The following GLIPR1L1 variants were observed in gnomAD, a reference collection of about 807,000 sequenced individuals.
GLIPR1L1 encodes the protein GLIPR1-like protein 1.
A neutral mutation model predicts 29.9 loss-of-function variants in GLIPR1L1; 26 were observed. The observed-to-expected ratio is 0.87, with a 90% CI of 0.64 to 1.21. The LOEUF is 1.21. Ranked by LOEUF, GLIPR1L1 falls within the 50% of genes most tolerant of loss-of-function variation. The probability of loss-of-function intolerance (pLI) is 0.00; values close to 1 mark genes in which losing one functional copy is unlikely to be tolerated. For missense variants in GLIPR1L1, 305 were observed against 290.3 expected, an observed-to-expected ratio of 1.05 and a Z score of -0.37; for synonymous variants, 77 against 97.5, an observed-to-expected ratio of 0.79 and a Z score of 1.24.
chr12:75,359,487 C>G (rs1398160801), intron 3 of GLIPR1L1, among the ~76,000 whole-genome samples: 2 of 144,550 alleles, frequency 1.4e-5, no homozygotes, highest in Non-Finnish European at 3.0e-5. Context: ...TGTGGAAGTG[C>G]AAAAATTTTG....
At chr12:75,356,515 A>C (rs1000855840) in intron 3 of GLIPR1L1, among the ~76,000 whole-genome samples, 2 of 152,226 alleles carry the variant, frequency 1.3e-5, no homozygotes, top group African/African-American at 4.8e-5. Context: ...ATAAATTCTA[A>C]AGTAACTGCT....
At chr12:75,354,614 A>G (rs1269392212) in intron 3 of GLIPR1L1, among the ~76,000 whole-genome samples, 1 of 152,224 alleles carries the variant, frequency 6.6e-6, no homozygotes, top group Non-Finnish European at 1.5e-5. Context: ...TTCTTCACAG[A>G]ATTAGAAAAA....
chr12:75,336,949 A>C (rs2041777272), intron 1 of GLIPR1L1, among the ~76,000 whole-genome samples: 1 of 151,834 alleles, frequency 6.6e-6, no homozygotes, highest in Non-Finnish European at 1.5e-5. Context: ...TTAAACCAGA[A>C]ATAAAGTGTG....
intron 5 of GLIPR1L1, 33 bp from the exon 6 acceptor site, chr12:75,370,052 T>G (rs1289179137): frequency 7.2e-7 from 1 of 1,390,400 alleles, no homozygotes; most frequent in African/African-American, 1.4e-5. Flanking sequence ...ATTGAACTCT[T>G]AACTATTCTG....
intron 2 of GLIPR1L1, among the ~76,000 whole-genome samples, chr12:75,345,166 T>A (rs2042364709): frequency 6.6e-6 from 1 of 152,024 alleles, no homozygotes; most frequent in African/African-American, 2.4e-5. Context: ...AGACTCTCAA[T>A]CAGACTCTCA....
chr12:75,364,053 G>T (rs556674168), intron 4 of GLIPR1L1, among the ~76,000 whole-genome samples: 3 of 152,268 alleles, frequency 2.0e-5, no homozygotes, highest in South Asian at 4.1e-4. Context: ...GAGACCAAGG[G>T]TTTATTAAGT....
rs1185408752 is a variant in GLIPR1L1 at position 75,341,747 on chromosome 12, C to CTTTT, written c.175-1925_175-1922dup. 1.4e-3 allele frequency among the ~76,000 whole-genome samples: 117 copies of CTTTT among 83,400 alleles called. 3 individuals carry two copies. The highest frequency in any genetic ancestry group is 2.4e-3 in the African/African-American group (45 of 18,864). 54.7% of individuals were successfully genotyped at this position (83,400 alleles called of 152,430 possible). On this transcript the variant is annotated intron_variant, in intron 1 of 5. Coordinates refer to ENST00000378695, the MANE Select transcript of GLIPR1L1 (RefSeq NM_001304964.2). ...AGGCGTGAGCCACCGCGCCCGGCCT[C>CTTTT]TTTTTTTTTTTTTTTTTTTTTTTTG...
chr12:75,367,938 C>T (rs1489443420), intron 4 of GLIPR1L1, among the ~76,000 whole-genome samples: 1 of 152,064 alleles, frequency 6.6e-6, no homozygotes, highest in African/African-American at 2.4e-5. Flanking sequence ...TTTCATTGGT[C>T]CTCATAGCCA....
Position 75,334,916 on chromosome 12 carries a change from A to T in GLIPR1L1, c.174+14A>T, listed in dbSNP as rs776529042. 36 of 1,610,160 alleles carry T rather than the reference A, an allele frequency of 2.2e-5. No homozygotes were observed. Among genetic ancestry groups the T allele is most frequent in the Non-Finnish European group, 2.8e-5 (33 of 1,177,868 alleles). ...ATGAAATACATGGTGAGAAAGAACC[A>T]GGGCTGGGCTCTTAAATCCCTGACT... On this transcript the variant is annotated intron_variant, in intron 1 of 5. Transcript: ENST00000378695.
chr12:75,340,424 G>C (rs2042025975), intron 1 of GLIPR1L1, among the ~76,000 whole-genome samples: 1 of 151,442 alleles, frequency 6.6e-6, no homozygotes, highest in South Asian at 2.1e-4. Context: ...TTGACCTAAA[G>C]AGCAAAAATT....
At chr12:75,369,612 T>C (rs894808633) in intron 4 of GLIPR1L1, 4 of 984,794 alleles carry the variant, frequency 4.1e-6, no homozygotes, top group African/African-American at 1.7e-5. Context: ...GAGTTCTGCA[T>C]ACAAAAAATT....
intron 3 of GLIPR1L1, among the ~76,000 whole-genome samples, chr12:75,362,882 T>C (rs538639721): frequency 2.0e-5 from 3 of 152,164 alleles, no homozygotes; most frequent in South Asian, 4.1e-4. Flanking sequence ...TATTCTTCTA[T>C]AGAATATTCA....
Position 75,356,272 on chromosome 12 carries a change from A to C in GLIPR1L1, c.522-6830A>C, listed in dbSNP as rs191766738. Among the ~76,000 whole-genome samples the C allele has an allele frequency of 1.3e-3, 195 of 152,358 alleles. 1 individual carries two copies. Among genetic ancestry groups the C allele is most frequent in the African/African-American group, 3.8e-3 (156 of 41,594 alleles). On this transcript the variant is annotated intron_variant, in intron 3 of 5. Transcript: ENST00000378695. ...ACTGTCAACTGAAAATTCTATACAC[A>C]GAAAATCTTTTAAAAATAAACATTA...
intron 1 of GLIPR1L1, among the ~76,000 whole-genome samples, chr12:75,341,880 T>C (rs1015477748): frequency 6.6e-6 from 1 of 150,868 alleles, no homozygotes; most frequent in African/African-American, 2.4e-5. Context: ...TCCTGAGTAG[T>C]TGGGATTACA....
At chr12:75,358,502 A>G (rs868006928) in intron 3 of GLIPR1L1, among the ~76,000 whole-genome samples, 15 of 151,378 alleles carry the variant, frequency 9.9e-5, no homozygotes, top group African/African-American at 3.6e-4. Flanking sequence ...CCAAACATTC[A>G]TTCCTGATGA....
chr12:75,348,947 G>A (rs2042628738), intron 3 of GLIPR1L1, among the ~76,000 whole-genome samples: 1 of 152,162 alleles, frequency 6.6e-6, no homozygotes, highest in Non-Finnish European at 1.5e-5. Context: ...TTCAGGTCAT[G>A]GAATATGAAA....
At chr12:75,355,338 A>C (rs1244463329) in intron 3 of GLIPR1L1, among the ~76,000 whole-genome samples, 7 of 152,244 alleles carry the variant, frequency 4.6e-5, no homozygotes, top group Non-Finnish European at 1.0e-4. Context: ...TCTCAAAATA[A>C]GACATTTATG....
chr12:75,354,167 G>T (rs751619950), intron 3 of GLIPR1L1, among the ~76,000 whole-genome samples: 1 of 46,294 alleles, frequency 2.2e-5, no homozygotes, highest in Non-Finnish European at 5.3e-5. Flanking sequence ...AGAAAAAAAA[G>T]GGGGGGGGGT....
chr12:75,353,311 G>T (rs375662800), intron 3 of GLIPR1L1, among the ~76,000 whole-genome samples: 2 of 151,874 alleles, frequency 1.3e-5, no homozygotes, highest in African/African-American at 4.8e-5. Context: ...TGATAAAGGG[G>T]TATCACCACT....
Sources: allele counts gnomAD v4.1 joint callset (sites outside exome capture counted in the v4.1 genomes callset), GRCh38; gene constraint gnomAD v4.1.1; transcripts MANE v1.5; gene names NCBI Gene and HGNC (gene_info 2026-07-23, HGNC 2026-07-21).